The following CPNE8 variants were observed in gnomAD, a reference collection of about 807,000 sequenced individuals.
CPNE8 encodes copine 8, also known as copine-8.
A neutral mutation model predicts 81.5 loss-of-function variants in CPNE8; 45 were observed. The observed-to-expected ratio is 0.55, with a 90% confidence interval of 0.44 to 0.71. The LOEUF (loss-of-function observed/expected upper bound fraction) is 0.71, where lower values mean the gene tolerates loss of function less well. Ranked by LOEUF, CPNE8 falls within the 30% of genes least tolerant of loss-of-function variation. CPNE8 has a pLI of 0.00. For synonymous variants in CPNE8, 252 were observed against 226.3 expected (o/e 1.11, Z -1.02); for missense variants, 594 against 672.1 (o/e 0.88, Z 1.28).
At chr12:38,903,407 G>T (rs1944517774) in intron 1 of CPNE8, among the ~76,000 whole-genome samples, 1 of 152,052 alleles carries the variant, frequency 6.6e-6, no homozygotes, top group Admixed American at 6.5e-5. Flanking sequence ...TGGAACAAGG[G>T]ATTTGCAGGT....
At position 38,654,084 on chromosome 12, in the gene CPNE8, G is replaced by A. The variant is rs958877062; in HGVS notation, c.1507-14C>T. The stretch of plus-strand genomic sequence containing the variant: ...GAATGGCACAAACTAAAACAGAGAC[G>A]AAAGAAAGTTATTTCACAGACTTTA... On this transcript the variant is annotated splice_polypyrimidine_tract_variant and intron_variant, in intron 19 of 19. Transcript: ENST00000331366. 14 of 1,571,852 alleles carry A rather than the reference G, an allele frequency of 8.9e-6. No individual in the cohort carries two copies. Among genetic ancestry groups the A allele is most frequent in the South Asian group, 3.5e-5 (3 of 84,542 alleles).
chr12:38,798,774 A>G (rs1175733175), intron 6 of CPNE8, among the ~76,000 whole-genome samples: 1 of 152,154 alleles, frequency 6.6e-6, no homozygotes, highest in Admixed American at 6.5e-5. Context: ...AAGACTCAAG[A>G]TCCATCAGTG....
In CPNE8 at chr12:38,654,159, A is replaced by G. The variant is rs1321975319; in HGVS notation, c.1507-89T>C. On this transcript the variant is annotated intron_variant, in intron 19 of 19. Coordinates refer to ENST00000331366, the MANE Select transcript of CPNE8 (RefSeq NM_153634.3). The stretch of plus-strand genomic sequence containing the variant: ...AATCAACACATGTACACATTTGGTC[A>G]TAGGAAAATCAGGGAATCTGAGAGT... 3.5e-6 allele frequency: 5 copies of G among 1,417,838 alleles called. No individual in the cohort carries two copies. The East Asian group carries it at 1.3e-4, about 38-fold the overall frequency. The allele number at this position is 1,417,838 out of a possible 1,614,324, so 87.8% of individuals were successfully genotyped here. A position where few individuals can be genotyped will look rare whatever the true frequency, so the allele number is the denominator to read the frequency against.
chr12:38,809,416 C>T (rs561733214), intron 6 of CPNE8, among the ~76,000 whole-genome samples: 2 of 152,304 alleles, frequency 1.3e-5, no homozygotes, highest in South Asian at 2.1e-4. Flanking sequence ...TAAAGGGTCA[C>T]ATGATTATAT....
At chr12:38,755,837 G>A (rs1344029430) in intron 10 of CPNE8, among the ~76,000 whole-genome samples, 1 of 151,626 alleles carries the variant, frequency 6.6e-6, no homozygotes, top group African/African-American at 2.4e-5. Context: ...TCAGGAGATC[G>A]AGACCATCCC....
chr12:38,842,669 C>T (rs1043299679), intron 4 of CPNE8, among the ~76,000 whole-genome samples: 4 of 150,502 alleles, frequency 2.7e-5, no homozygotes, highest in Non-Finnish European at 5.9e-5. Context: ...TCCGCCTCCC[C>T]GGTCCAAGTG....
chr12:38,884,691 G>A (rs568683210), intron 1 of CPNE8, among the ~76,000 whole-genome samples: 2 of 152,084 alleles, frequency 1.3e-5, no homozygotes, highest in South Asian at 4.2e-4. Flanking sequence ...CCTCTCCAAT[G>A]TTATTGTCAG....
At chr12:38,868,667 G>C (rs1943949438) in intron 3 of CPNE8, among the ~76,000 whole-genome samples, 2 of 152,118 alleles carry the variant, frequency 1.3e-5, no homozygotes, top group Admixed American at 6.5e-5. Flanking sequence ...TACTTTAAGT[G>C]TTACAAAGGT....
intron 5 of CPNE8, among the ~76,000 whole-genome samples, chr12:38,830,872 C>T (rs530590985): frequency 6.6e-6 from 1 of 152,244 alleles, no homozygotes; most frequent in South Asian, 2.1e-4. Context: ...AGGCTTACTA[C>T]TCACCTAATC....
intron 6 of CPNE8, among the ~76,000 whole-genome samples, chr12:38,779,525 C>T (rs924324675): frequency 2.6e-5 from 4 of 152,046 alleles, no homozygotes; most frequent in Non-Finnish European, 5.9e-5. Context: ...AAAATGTATC[C>T]TAATAATTTA....
At chr12:38,668,945 T>A (rs993574053) in intron 19 of CPNE8, among the ~76,000 whole-genome samples, 1 of 151,818 alleles carries the variant, frequency 6.6e-6, no homozygotes, top group African/African-American at 2.4e-5. Flanking sequence ...TCCCAGCTAC[T>A]CGAGAGGCTG....
intron 13 of CPNE8, among the ~76,000 whole-genome samples, chr12:38,722,880 A>T (rs1489376248): frequency 1.3e-5 from 2 of 152,032 alleles, no homozygotes; most frequent in Non-Finnish European, 2.9e-5. Context: ...TGCTGTTCTC[A>T]TGATAGTAAG....
At chr12:38,878,308 C>T (rs981669684) in intron 1 of CPNE8, among the ~76,000 whole-genome samples, 2 of 152,130 alleles carry the variant, frequency 1.3e-5, no homozygotes, top group Admixed American at 6.5e-5. Flanking sequence ...GGGTCTGGAT[C>T]GGGACACCTT....
At chr12:38,802,979 G>C (rs1036369977) in intron 6 of CPNE8, among the ~76,000 whole-genome samples, 4 of 141,936 alleles carry the variant, frequency 2.8e-5, no homozygotes, top group Admixed American at 7.2e-5. Flanking sequence ...TCTCTGAATA[G>C]ACCAATAACA....
At chr12:38,665,201 T>C (rs1419123292) in intron 19 of CPNE8, among the ~76,000 whole-genome samples, 1 of 152,196 alleles carries the variant, frequency 6.6e-6, no homozygotes, top group Non-Finnish European at 1.5e-5. Context: ...TTATTACCTC[T>C]ATTAGTCTCT....
chr12:38,759,045 CTT>C (rs1260034523), intron 10 of CPNE8, among the ~76,000 whole-genome samples: 4 of 152,316 alleles, frequency 2.6e-5, no homozygotes, highest in East Asian at 1.9e-4. Flanking sequence ...CAAAAATACT[CTT>C]GTCTCTAATT....
At chr12:38,674,779 A>C (rs181339840) in intron 18 of CPNE8, among the ~76,000 whole-genome samples, 81 of 152,306 alleles carry the variant, frequency 5.3e-4, no homozygotes, top group Non-Finnish European at 1.0e-3. Context: ...TATTATTCTC[A>C]TGCAGGAGGG....
At chr12:38,841,420 G>A (rs1284927543) in intron 4 of CPNE8, among the ~76,000 whole-genome samples, 1 of 152,164 alleles carries the variant, frequency 6.6e-6, no homozygotes, top group Non-Finnish European at 1.5e-5. Context: ...AGGAGACACA[G>A]GAGAAAAATA....
rs1938751126 is a variant in CPNE8, at chr12:38,653,620, A to AAAAAAGAAAAAAAG, written c.*261_*262insCTTTTTTTCTTTTT. 3.6e-6 allele frequency: 1 copy of AAAAAAGAAAAAAAG among 274,224 alleles called. No homozygotes were observed. The highest frequency in any genetic ancestry group is 2.2e-5 in the African/African-American group (1 of 46,314). The allele number at this position is 274,224 out of a possible 1,614,324, so 17.0% of individuals were successfully genotyped here. A position where few individuals can be genotyped will look rare whatever the true frequency, so the allele number is the denominator to read the frequency against. ...ATTGGAAATTAGCTGTTTCTGTTAA[A>AAAAAAGAAAAAAAG]AAAAAAAAGAAAGAAAGATTTAGAG... On this transcript the variant is annotated 3_prime_UTR_variant, in exon 20 of 20. Coordinates refer to ENST00000331366, the MANE Select transcript of CPNE8 (RefSeq NM_153634.3).
Sources: allele counts gnomAD v4.1 joint callset (sites outside exome capture counted in the v4.1 genomes callset), GRCh38; gene constraint gnomAD v4.1.1; transcripts MANE v1.5; gene names NCBI Gene and HGNC (gene_info 2026-07-23, HGNC 2026-07-21).